CCDC122: variants seen among roughly 807,000 people sequenced by gnomAD.
The protein encoded by CCDC122 is coiled-coil domain-containing protein 122.
CCDC122 carries 38 observed loss-of-function variants against 37.0 expected under a neutral mutation model. The observed-to-expected ratio is 1.03, with a 90% confidence interval of 0.79 to 1.35. The LOEUF is 1.35. Among genes scored for constraint, CCDC122 ranks in the 40% most tolerant of loss-of-function variants. CCDC122 has a pLI of 0.00. For synonymous variants in CCDC122, 83 were observed against 95.6 expected (o/e 0.87, Z 0.77); for missense variants, 305 against 310.0 (o/e 0.98, Z 0.12).
At chr13:43,826,303 C>T (rs1953040455) in intron 3 of CCDC122, among the ~76,000 whole-genome samples, 2 of 152,004 alleles carry the variant, frequency 1.3e-5, no homozygotes. Flanking sequence ...TATTTTTGAA[C>T]TTACTTACCT....
intron 1 of CCDC122, among the ~76,000 whole-genome samples, chr13:43,877,440 C>A (rs181305560): frequency 6.6e-6 from 1 of 152,268 alleles, no homozygotes; most frequent in East Asian, 1.9e-4. Flanking sequence ...TTACATACCA[C>A]AAAGTACATC....
At chr13:43,878,188 C>G (rs1954712418) in intron 1 of CCDC122, 1 of 152,066 alleles carries the variant, frequency 6.6e-6, no homozygotes, top group African/African-American at 2.4e-5. Context: ...ACCTTTGTAA[C>G]TAAAAGACCT....
At chr13:43,853,514 A>G (rs1294133429) in intron 6 of CCDC122, among the ~76,000 whole-genome samples, 5 of 152,232 alleles carry the variant, frequency 3.3e-5, no homozygotes, top group Non-Finnish European at 7.3e-5. Flanking sequence ...ACCTTCAAAC[A>G]GACTTAGACC....
intron 6 of CCDC122, among the ~76,000 whole-genome samples, chr13:43,851,829 C>T (rs1273583018): frequency 6.6e-6 from 1 of 152,138 alleles, no homozygotes; most frequent in Non-Finnish European, 1.5e-5. Context: ...CCCAGAGTTA[C>T]AGCACACAGT....
chr13:43,870,120 A>G (rs1954398774), intron 2 of CCDC122, among the ~76,000 whole-genome samples: 1 of 152,194 alleles, frequency 6.6e-6, no homozygotes, highest in Admixed American at 6.5e-5. Flanking sequence ...ATGCAACAAA[A>G]AAGAAAAGCA....
chr13:43,877,822 G>A (rs1313041119), intron 1 of CCDC122: 1 of 152,094 alleles, frequency 6.6e-6, no homozygotes, highest in South Asian at 2.1e-4. Context: ...AAACAAAAAA[G>A]CAAAGCAAAA....
intron 3 of CCDC122, among the ~76,000 whole-genome samples, chr13:43,825,727 A>G (rs545031434): frequency 2.2e-5 from 3 of 138,572 alleles, no homozygotes; most frequent in Admixed American, 1.6e-4. Context: ...TTGAGATCAC[A>G]CCATTGCACT....
intron 6 of CCDC122, among the ~76,000 whole-genome samples, chr13:43,849,666 A>C (rs758221640): frequency 6.1e-4 from 93 of 152,238 alleles, no homozygotes; most frequent in Non-Finnish European, 1.2e-3. Context: ...GTGAGACAGA[A>C]AACTTGTAGG....
At chr13:43,878,047 A>G (rs1387815153) in intron 1 of CCDC122, 1 of 152,178 alleles carries the variant, frequency 6.6e-6, no homozygotes, top group Admixed American at 6.5e-5. Flanking sequence ...CAAATACAAT[A>G]TAACAAACTC....
chr13:43,836,376 T>G lies in CCDC122; in HGVS notation c.*904A>C, dbSNP rs1025756447. 6 of 152,260 alleles carry G rather than the reference T, an allele frequency of 3.9e-5. No homozygotes were observed. The highest frequency in any genetic ancestry group is 1.4e-4 in the African/African-American group (6 of 41,458). 9.4% of individuals were successfully genotyped at this position (152,260 alleles called of 1,614,324 possible). ...ATTTATAGAAAGTGAACAAAATATT[T>G]TATTCATCGTATCACTCAAAATATG... On this transcript the variant is annotated 3_prime_UTR_variant, in exon 7 of 7. Transcript: ENST00000444614.
chr13:43,847,904 AGCTGAAAATACAG>A (rs1417401673), intron 6 of CCDC122, among the ~76,000 whole-genome samples: 3 of 152,106 alleles, frequency 2.0e-5, no homozygotes, highest in Non-Finnish European at 4.4e-5. Context: ...CCTCCTGAGT[AGCTGAAAATACAG>A]GCACACACCA....
intron 6 of CCDC122, 170 bp downstream of exon 6, chr13:43,858,610 AG>A: frequency 5.6e-6 from 2 of 359,500 alleles, no homozygotes; most frequent in Non-Finnish European, 9.2e-6. Flanking sequence ...TCTTTGAATG[AG>A]GGGGTTATCT....
intron 2 of CCDC122, among the ~76,000 whole-genome samples, chr13:43,871,204 T>A (rs1389567131): frequency 1.3e-5 from 2 of 152,158 alleles, no homozygotes; most frequent in South Asian, 4.1e-4. Flanking sequence ...ATCAACTTAC[T>A]CTTTCTATTC....
chr13:43,859,383 T>A (rs1954030544), intron 5 of CCDC122, among the ~76,000 whole-genome samples: 1 of 152,138 alleles, frequency 6.6e-6, no homozygotes, highest in African/African-American at 2.4e-5. Context: ...TGAATTACAT[T>A]TTCTACAACA....
chr13:43,824,166 A>C (rs575253036), intron 3 of CCDC122, among the ~76,000 whole-genome samples: 2 of 152,318 alleles, frequency 1.3e-5, no homozygotes, highest in South Asian at 4.1e-4. Flanking sequence ...GCACATGTAA[A>C]CTGAGGTTGC....
At position 43,836,558 on chromosome 13, in the gene CCDC122, AGTTCGAAACAGGCCG is replaced by A. The variant is rs2153868994; in HGVS notation, c.*707_*721del. The A allele has an allele frequency of 6.6e-6, 1 of 152,354 alleles. No individual in the cohort carries two copies. The highest frequency in any genetic ancestry group is 1.9e-4 in the East Asian group (1 of 5,192). 9.4% of individuals were successfully genotyped at this position (152,354 alleles called of 1,614,324 possible). ...TGTAAAAAAACAAGTTCCAATAAAA[AGTTCGAAACAGGCCG>A]GGCGCGGTGGCTCACGCCTGTAATC... On this transcript the variant is annotated 3_prime_UTR_variant, in exon 7 of 7. Coordinates refer to ENST00000444614, the MANE Select transcript of CCDC122 (RefSeq NM_144974.5).
intron 6 of CCDC122, among the ~76,000 whole-genome samples, chr13:43,850,790 T>A (rs1953701084): frequency 6.6e-6 from 1 of 152,130 alleles, no homozygotes; most frequent in African/African-American, 2.4e-5. Context: ...ATCCTAAATT[T>A]GGCAAAAGAT....
intron 6 of CCDC122, among the ~76,000 whole-genome samples, chr13:43,846,333 C>CA (rs1953533088): frequency 6.6e-6 from 1 of 152,178 alleles, no homozygotes; most frequent in Admixed American, 6.5e-5. Flanking sequence ...CTTGGACTCT[C>CA]AAAGTGTTGG....
At chr13:43,840,209 T>C (rs1436243848) in intron 6 of CCDC122, among the ~76,000 whole-genome samples, 2 of 152,172 alleles carry the variant, frequency 1.3e-5, no homozygotes, top group Non-Finnish European at 2.9e-5. Flanking sequence ...AGGCCATATT[T>C]TGTTCGCTTT....
Sources: allele counts gnomAD v4.1 joint callset (sites outside exome capture counted in the v4.1 genomes callset), GRCh38; gene constraint gnomAD v4.1.1; transcripts MANE v1.5; gene names NCBI Gene and HGNC (gene_info 2026-07-23, HGNC 2026-07-21).